Variants in C11orf65 observed in about 807,000 individuals in gnomAD.
C11orf65 encodes chromosome 11 open reading frame 65.
In C11orf65, 38 loss-of-function variants were observed where a neutral mutation model predicts 35.3. That is an observed-to-expected ratio of 1.08 (90% CI 0.83 to 1.41). C11orf65 has a LOEUF of 1.41. Among genes scored for constraint, C11orf65 ranks in the 40% most tolerant of loss-of-function variants. C11orf65 has a pLI of 0.00. For missense variants in C11orf65, 370 were observed against 367.1 expected (o/e 1.01, Z -0.06); for synonymous variants, 105 against 114.4 (o/e 0.92, Z 0.53).
rs901284125 is a variant in C11orf65, at chr11:108,365,415, C to T, written c.226+27793G>A. The T allele has an allele frequency of 2.5e-6, 4 of 1,614,160 alleles. No homozygotes were observed. The highest frequency in any genetic ancestry group is 3.4e-6 in the Non-Finnish European group (4 of 1,180,026). On this transcript the variant is annotated intron_variant, in intron 2 of 3. Transcript: ENST00000524755. ...AAGGAGTGGAAGAAGGCACTGTGCT[C>T]AGTGTTGGTGGACAAGTGAATTTGC...
intron 2 of C11orf65, among the ~76,000 whole-genome samples, chr11:108,432,086 C>T (rs1400447244): frequency 1.3e-5 from 2 of 151,894 alleles, no homozygotes; most frequent in African/African-American, 2.4e-5. Context: ...ATGTAATATC[C>T]CAAACTTTGG....
chr11:108,345,957 G>T, intron 2 of C11orf65: 1 of 1,607,380 alleles, frequency 6.2e-7, no homozygotes, highest in South Asian at 1.1e-5. Flanking sequence ...TGTTTGGCAG[G>T]TTTTATTTTT....
At chr11:108,324,252 T>C (rs1228664745) in intron 6 of C11orf65, among the ~76,000 whole-genome samples, 5 of 152,116 alleles carry the variant, frequency 3.3e-5, no homozygotes, top group Non-Finnish European at 5.9e-5. Flanking sequence ...AATAGGAAAA[T>C]GCCCTGCCAT....
chr11:108,354,761 A>G, intron 2 of C11orf65: 1 of 1,469,360 alleles, frequency 6.8e-7, no homozygotes, highest in Non-Finnish European at 9.5e-7. Context: ...AGATACGTTG[A>G]CAACATTGGT....
At chr11:108,377,287 C>G (rs1398894117) in intron 2 of C11orf65, among the ~76,000 whole-genome samples, 1 of 152,188 alleles carries the variant, frequency 6.6e-6, no homozygotes, top group Non-Finnish European at 1.5e-5. Flanking sequence ...CCACCATGAT[C>G]AAGTGGGCTT....
intron 2 of C11orf65, among the ~76,000 whole-genome samples, chr11:108,352,687 C>T (rs772194312): frequency 6.6e-6 from 1 of 152,192 alleles, no homozygotes; most frequent in Non-Finnish European, 1.5e-5. Context: ...AATGCTTAAA[C>T]AAACTGTGTT....
intron 6 of C11orf65, among the ~76,000 whole-genome samples, chr11:108,399,182 T>C (rs1211874928): frequency 2.6e-5 from 4 of 152,188 alleles, no homozygotes; most frequent in African/African-American, 9.7e-5. Flanking sequence ...TGGATCATCT[T>C]GTCCATCTGA....
At chr11:108,404,803 T>C (rs2092509319) in intron 6 of C11orf65, among the ~76,000 whole-genome samples, 1 of 152,166 alleles carries the variant, frequency 6.6e-6, no homozygotes, top group Admixed American at 6.5e-5. Context: ...AATACCACAA[T>C]GTCATGATTA....
At chr11:108,418,359 G>A (rs2138850174) in intron 3 of C11orf65, among the ~76,000 whole-genome samples, 1 of 152,182 alleles carries the variant, frequency 6.6e-6, no homozygotes, top group African/African-American at 2.4e-5. Context: ...AGGATTGAAA[G>A]TACAGCACAA....
chr11:108,387,012 G>A (rs2092020172), intron 7 of C11orf65, among the ~76,000 whole-genome samples: 1 of 151,692 alleles, frequency 6.6e-6, no homozygotes, highest in African/African-American at 2.4e-5. Context: ...AACCTGGGAG[G>A]TGGAGCTTGC....
chr11:108,312,605 T>C (rs561069917), intron 6 of C11orf65: 168 of 811,114 alleles, frequency 2.1e-4, no homozygotes, highest in Non-Finnish European at 3.4e-4. Context: ...CTGAATTTAC[T>C]TACTGGACTA....
intron 2 of C11orf65, among the ~76,000 whole-genome samples, chr11:108,435,509 C>A (rs10890839): frequency 0.42 from 63,363 of 151,882 alleles, 13,615 homozygotes; most frequent in Middle Eastern, 0.65. Context: ...CAACCCCAAA[C>A]AGGCAGAATT....
In C11orf65 at chr11:108,315,898, C is replaced by T. The variant is rs876659454; in HGVS notation, c.641-6827G>A. On this transcript the variant is annotated intron_variant, in intron 6 of 6. Coordinates refer to the C11orf65 transcript ENST00000525729. Reference sequence around the variant, plus strand: ...TGGCTGTGGTGGAGGGAAGATGTTACAACCCATTACTAGGTAAATTGCATT... The same window carrying T: ...TGGCTGTGGTGGAGGGAAGATGTTATAACCCATTACTAGGTAAATTGCATT... The T allele has an allele frequency of 6.2e-7, 1 of 1,611,256 alleles. No homozygotes were observed. Among genetic ancestry groups the T allele is most frequent in the Non-Finnish European group, 8.5e-7 (1 of 1,177,446 alleles).
intron 2 of C11orf65, chr11:108,354,677 T>C (rs1213854326): frequency 7.3e-6 from 6 of 822,728 alleles, no homozygotes; most frequent in Non-Finnish European, 1.3e-5. Context: ...CCAAGTATTA[T>C]GCTATTTTGA....
intron 2 of C11orf65, among the ~76,000 whole-genome samples, chr11:108,455,465 A>G (rs1047419141): frequency 6.6e-6 from 1 of 152,216 alleles, no homozygotes; most frequent in Non-Finnish European, 1.5e-5. Context: ...ACAAAGGAAA[A>G]GTAAAACTGT....
chr11:108,424,171 G>A (rs547461004), intron 3 of C11orf65, among the ~76,000 whole-genome samples: 1 of 152,108 alleles, frequency 6.6e-6, no homozygotes, highest in Non-Finnish European at 1.5e-5. Flanking sequence ...GAGGTTAGAG[G>A]AATTGCTATC....
At position 108,347,452 on chromosome 11, in the gene C11orf65, A is replaced by G. The variant is rs1277625429; in HGVS notation, c.227-12160T>C. ...GTTTGCCTACCAAGATATTACAAATATAAGAGACAGATAAATTGAAGCAGT... is the reference window on the plus strand; with the variant it reads ...GTTTGCCTACCAAGATATTACAAATGTAAGAGACAGATAAATTGAAGCAGT... On this transcript the variant is annotated intron_variant, in intron 2 of 3. Coordinates refer to the C11orf65 transcript ENST00000524755. 4.5e-6 allele frequency: 5 copies of G among 1,113,590 alleles called. No homozygotes were observed. The Admixed American group carries it at 5.7e-5, about 13-fold the overall frequency. The allele number at this position is 1,113,590 out of a possible 1,614,324, so 69.0% of individuals were successfully genotyped here.
intron 3 of C11orf65, among the ~76,000 whole-genome samples, chr11:108,423,741 G>C (rs1436424717): frequency 2.0e-5 from 3 of 152,182 alleles, no homozygotes; most frequent in Non-Finnish European, 4.4e-5. Context: ...CTGTTCTGCA[G>C]CCTCCACTGG....
intron 2 of C11orf65, among the ~76,000 whole-genome samples, chr11:108,433,871 T>C (rs2093028490): frequency 6.6e-6 from 1 of 152,148 alleles, no homozygotes; most frequent in Non-Finnish European, 1.5e-5. Flanking sequence ...TGGTTGTATA[T>C]TGTGCCTGGA....
Sources: allele counts gnomAD v4.1 joint callset (sites outside exome capture counted in the v4.1 genomes callset), GRCh38; gene constraint gnomAD v4.1.1; transcripts MANE v1.5; gene names NCBI Gene and HGNC (gene_info 2026-07-23, HGNC 2026-07-21).